FRMD5: variants seen among roughly 807,000 people sequenced by gnomAD.
FRMD5 encodes FERM domain-containing protein 5.
Under a neutral mutation model 69.0 loss-of-function variants are expected in FRMD5, and 20 were observed. The ratio of observed to expected loss-of-function variants is 0.29; its 90% CI spans 0.20 to 0.42. The LOEUF is 0.42. Among genes scored for constraint, FRMD5 ranks in the 10% least tolerant of loss-of-function variants. The pLI is 1.00. For missense variants in FRMD5, 595 were observed against 708.6 expected (o/e 0.84, Z 1.82); for synonymous variants, 271 against 260.1 (o/e 1.04, Z -0.40).
At position 43,902,193 on chromosome 15, in the gene FRMD5, C is replaced by T. The variant is rs763291221; in HGVS notation, c.621G>A (p.Val207=). The change falls in exon 7 of 14, where the codon GTG becomes GTA. Residue 207 remains valine (V), a synonymous_variant. Transcript: ENST00000417257. ...RKAQTLETYG[V]DPHPCKDVSG... Reference sequence around the variant, plus strand: ...GTCTTACCTTACATGGGTGAGGATCCACTCCATATGTTTCCAATGTCTGTG... The same window carrying T: ...GTCTTACCTTACATGGGTGAGGATCTACTCCATATGTTTCCAATGTCTGTG... 2.6e-5 allele frequency: 42 copies of T among 1,613,498 alleles called. No individual in the cohort carries two copies. In the Admixed American group the frequency reaches 5.0e-4, roughly 19 times the overall value.
chr15:43,965,469 C>T (rs2090277933), intron 1 of FRMD5, among the ~76,000 whole-genome samples: 1 of 151,840 alleles, frequency 6.6e-6, no homozygotes, highest in Admixed American at 6.6e-5. Flanking sequence ...GCTAATGTGT[C>T]TAGGTTGGGA....
chr15:44,014,358 A>C (rs1267903442), intron 1 of FRMD5, among the ~76,000 whole-genome samples: 1 of 152,162 alleles, frequency 6.6e-6, no homozygotes, highest in African/African-American at 2.4e-5. Flanking sequence ...TTCTGGGTTC[A>C]AGTCTCAGCC....
chr15:44,062,413 G>T (rs1310841823), intron 1 of FRMD5, among the ~76,000 whole-genome samples: 6 of 152,108 alleles, frequency 3.9e-5, no homozygotes, highest in Admixed American at 3.9e-4. Flanking sequence ...GCTACAGGCT[G>T]GGCGCTGTGG....
At chr15:44,140,537 GA>G (rs1387224946) in intron 1 of FRMD5, among the ~76,000 whole-genome samples, 3 of 151,944 alleles carry the variant, frequency 2.0e-5, no homozygotes, top group Non-Finnish European at 4.4e-5. Context: ...AATTAAAAAA[GA>G]AATATCAAAA....
chr15:44,083,116 T>C (rs1894060595), intron 1 of FRMD5, among the ~76,000 whole-genome samples: 1 of 152,020 alleles, frequency 6.6e-6, no homozygotes, highest in Non-Finnish European at 1.5e-5. Flanking sequence ...TGCCCTTCTT[T>C]TACCTTTGGA....
chr15:44,102,387 A>C (rs1240090289), intron 1 of FRMD5, among the ~76,000 whole-genome samples: 1 of 152,346 alleles, frequency 6.6e-6, no homozygotes, highest in African/African-American at 2.4e-5. Flanking sequence ...AGTTAAGTCA[A>C]AAGAGGACAG....
At chr15:43,950,892 C>T (rs2090016048) in intron 1 of FRMD5, among the ~76,000 whole-genome samples, 2 of 152,190 alleles carry the variant, frequency 1.3e-5, no homozygotes, top group African/African-American at 4.8e-5. Context: ...TGACTTTTAA[C>T]AACAGGGATA....
chr15:43,873,681 G>A lies in FRMD5; in HGVS notation c.*204C>T, dbSNP rs1194072583. 2 of 1,463,384 alleles carry A rather than the reference G, an allele frequency of 1.4e-6. No individual in the cohort carries two copies. Among genetic ancestry groups the A allele is most frequent in the Non-Finnish European group, 1.8e-6 (2 of 1,110,824 alleles). The allele number at this position is 1,463,384 out of a possible 1,614,324, so 90.6% of individuals were successfully genotyped here. Reference sequence around the variant, plus strand: ...TCTTGAAATAACTTCTGAAGAAAATGAGTTTTCCCAGTTTGTTTAGACAGG... The same window carrying A: ...TCTTGAAATAACTTCTGAAGAAAATAAGTTTTCCCAGTTTGTTTAGACAGG... On this transcript the variant is annotated 3_prime_UTR_variant, in exon 14 of 14. Coordinates refer to ENST00000417257, the MANE Select transcript of FRMD5 (RefSeq NM_032892.5).
intron 1 of FRMD5, among the ~76,000 whole-genome samples, chr15:44,053,591 A>G (rs1892754417): frequency 6.6e-6 from 1 of 152,144 alleles, no homozygotes; most frequent in South Asian, 2.1e-4. Flanking sequence ...GACATACTGG[A>G]TATGAAACAA....
chr15:44,059,832 T>C (rs1455679486), intron 1 of FRMD5, among the ~76,000 whole-genome samples: 1 of 152,178 alleles, frequency 6.6e-6, no homozygotes, highest in Non-Finnish European at 1.5e-5. Flanking sequence ...CTATATTTTA[T>C]AAGGTAAAGT....
chr15:44,132,035 A>G (rs1357567784), intron 1 of FRMD5, among the ~76,000 whole-genome samples: 3 of 152,284 alleles, frequency 2.0e-5, no homozygotes, highest in East Asian at 3.9e-4. Flanking sequence ...ATACAACTAG[A>G]TGGTCCCATC....
At chr15:43,881,713 C>T (rs928755451) in intron 13 of FRMD5, among the ~76,000 whole-genome samples, 24 of 152,140 alleles carry the variant, frequency 1.6e-4, no homozygotes, top group Non-Finnish European at 8.8e-5. Flanking sequence ...AGGAAGATGT[C>T]CCTATTTTAC....
At chr15:44,177,119 G>A (rs1025097199) in intron 1 of FRMD5, among the ~76,000 whole-genome samples, 2 of 152,024 alleles carry the variant, frequency 1.3e-5, no homozygotes, top group Admixed American at 6.6e-5. Context: ...TTGCTGGCTC[G>A]TGTGGTAACA....
chr15:43,980,813 G>A, intron 1 of FRMD5, among the ~76,000 whole-genome samples: 1 of 152,146 alleles, frequency 6.6e-6, no homozygotes, highest in East Asian at 1.9e-4. Context: ...ACAGTGGGTT[G>A]TGGGTGCTGC....
chr15:44,001,044 A>G (rs1419648668), intron 1 of FRMD5, among the ~76,000 whole-genome samples: 2 of 152,184 alleles, frequency 1.3e-5, no homozygotes, highest in Admixed American at 1.3e-4. Flanking sequence ...TCTCACCGAT[A>G]ACAAGTATTC....
chr15:44,136,915 C>G (rs914014100), intron 1 of FRMD5, among the ~76,000 whole-genome samples: 1 of 152,088 alleles, frequency 6.6e-6, no homozygotes, highest in Admixed American at 6.6e-5. Context: ...GCACCCTTCA[C>G]ACAACAGCGA....
At chr15:44,119,188 G>C (rs1437999546) in intron 1 of FRMD5, among the ~76,000 whole-genome samples, 1 of 152,050 alleles carries the variant, frequency 6.6e-6, no homozygotes, top group Non-Finnish European at 1.5e-5. Context: ...AACTCCTGCT[G>C]GGCTCAAGAA....
At chr15:43,970,415 T>C (rs774330836) in intron 1 of FRMD5, among the ~76,000 whole-genome samples, 1 of 152,216 alleles carries the variant, frequency 6.6e-6, no homozygotes, top group Non-Finnish European at 1.5e-5. Context: ...TCAACATATA[T>C]GGTATCTAGG....
At chr15:43,984,616 C>T (rs1889294842) in intron 1 of FRMD5, among the ~76,000 whole-genome samples, 2 of 152,180 alleles carry the variant, frequency 1.3e-5, no homozygotes, top group Non-Finnish European at 2.9e-5. Context: ...AAGAAAATCA[C>T]CACAGGAGAG....
Sources: allele counts gnomAD v4.1 joint callset (sites outside exome capture counted in the v4.1 genomes callset), GRCh38; gene constraint gnomAD v4.1.1; transcripts MANE v1.5; gene names NCBI Gene and HGNC (gene_info 2026-07-23, HGNC 2026-07-21).